KLF12: variants seen among roughly 807,000 people sequenced by gnomAD.
The protein encoded by KLF12 is KLF transcription factor 12.
In KLF12, 9 loss-of-function variants were observed where a neutral mutation model predicts 37.8. The observed-to-expected ratio is 0.24, with a 90% CI of 0.14 to 0.42. The LOEUF (loss-of-function observed/expected upper bound fraction) is 0.42, where lower values mean the gene tolerates loss of function less well. Ranked by LOEUF, KLF12 falls within the 10% of genes least tolerant of loss-of-function variation. The pLI is 1.00. For missense variants in KLF12, 411 were observed against 516.0 expected, an observed-to-expected ratio of 0.80 and a Z score of 1.97; for synonymous variants, 208 against 202.1, an observed-to-expected ratio of 1.03 and a Z score of -0.25.
rs1204344912 is a variant in KLF12 at position 73,999,581 on chromosome 13, A to C, written c.-31-4528T>G. Among the ~76,000 whole-genome samples the C allele has an allele frequency of 2.0e-5, 3 of 150,788 alleles. No individual in the cohort carries two copies. The East Asian group carries it at 5.9e-4, about 29-fold the overall frequency. ...ACCCCATCTCTACTAAAAATACAAA[A>C]AAAAAAAAATTAGCCAGGCGTGGTG... is the stretch of plus-strand genomic sequence containing the variant. On this transcript the variant is annotated intron_variant, in intron 1 of 7. Coordinates refer to ENST00000377669, the MANE Select transcript of KLF12 (RefSeq NM_007249.5).
intron 3 of KLF12, among the ~76,000 whole-genome samples, chr13:73,899,673 C>G (rs910947701): frequency 6.6e-6 from 1 of 152,138 alleles, no homozygotes; most frequent in Non-Finnish European, 1.5e-5. Flanking sequence ...AGGGCCCAGA[C>G]AGAACCAAAA....
At chr13:73,738,628 T>C (rs1453536315) in intron 6 of KLF12, among the ~76,000 whole-genome samples, 1 of 152,114 alleles carries the variant, frequency 6.6e-6, no homozygotes, top group Non-Finnish European at 1.5e-5. Context: ...TATGAGTGAC[T>C]ATGGAGAAAT....
chr13:73,962,457 A>T (rs917904545), intron 2 of KLF12, among the ~76,000 whole-genome samples: 7 of 152,224 alleles, frequency 4.6e-5, no homozygotes, highest in Admixed American at 1.3e-4. Flanking sequence ...ACAAAGAGTA[A>T]GCCCTATTGC....
intron 7 of KLF12, among the ~76,000 whole-genome samples, chr13:73,703,745 C>T (rs1414719296): frequency 6.6e-6 from 1 of 152,164 alleles, no homozygotes; most frequent in Non-Finnish European, 1.5e-5. Context: ...CCACTTCACC[C>T]AGTGTCGTCA....
chr13:73,735,957 C>CTTT (rs10699962), intron 6 of KLF12, among the ~76,000 whole-genome samples: 1 of 146,782 alleles, frequency 6.8e-6, no homozygotes, highest in African/African-American at 2.5e-5. Flanking sequence ...CTTTCTTTTT[C>CTTT]TTTTTTTTTT....
chr13:74,209,891 T>G, the KLF12 span, among the ~76,000 whole-genome samples: 1 of 152,178 alleles, frequency 6.6e-6, no homozygotes, highest in Non-Finnish European at 1.5e-5. Flanking sequence ...AGAAAAGAGA[T>G]AAGAATCAGG....
intron 6 of KLF12, among the ~76,000 whole-genome samples, chr13:73,753,487 C>A (rs113881193): frequency 0.011 from 1,686 of 152,260 alleles, 12 homozygotes; most frequent in South Asian, 0.038. Flanking sequence ...CAGATGCTAG[C>A]CAGTTGTCAC....
At chr13:73,939,100 A>G (rs141506462) in intron 3 of KLF12, among the ~76,000 whole-genome samples, 139 of 152,292 alleles carry the variant, frequency 9.1e-4, no homozygotes, top group African/African-American at 2.5e-3. Context: ...CTGGTTCTAC[A>G]GGAGAGAAGA....
At chr13:74,114,162 T>C (rs1027551639) in intron 1 of KLF12, among the ~76,000 whole-genome samples, 2 of 152,162 alleles carry the variant, frequency 1.3e-5, no homozygotes, top group Non-Finnish European at 2.9e-5. Context: ...GAAGATGCTG[T>C]GAACACTGAT....
At chr13:73,934,573 G>C (rs1318545030) in intron 3 of KLF12, among the ~76,000 whole-genome samples, 1 of 152,044 alleles carries the variant, frequency 6.6e-6, no homozygotes, top group African/African-American at 2.4e-5. Context: ...TTTCCTGACT[G>C]ATTTCAGATA....
the KLF12 span, among the ~76,000 whole-genome samples, chr13:74,270,771 G>A: frequency 6.6e-6 from 1 of 152,092 alleles, no homozygotes; most frequent in Admixed American, 6.5e-5. Context: ...GCTTGGGGCT[G>A]GTATCTGAAG....
At chr13:73,904,466 TTCC>T (rs1412379919) in intron 3 of KLF12, among the ~76,000 whole-genome samples, 10,433 of 114,194 alleles carry the variant, frequency 0.091, 575 homozygotes, top group African/African-American at 0.12. Flanking sequence ...TTTTCTTTCT[TTCC>T]TTTTTTTTTT....
chr13:74,281,447 G>A, the KLF12 span, among the ~76,000 whole-genome samples: 1 of 152,092 alleles, frequency 6.6e-6, no homozygotes, highest in Admixed American at 6.6e-5. Context: ...AATTAGATAT[G>A]GCATGGAGTT....
intron 6 of KLF12, among the ~76,000 whole-genome samples, chr13:73,749,132 G>A (rs1400072774): frequency 1.3e-5 from 2 of 152,088 alleles, no homozygotes; most frequent in African/African-American, 4.8e-5. Context: ...CCTAGGGGAG[G>A]CCCAGCTTCT....
At chr13:74,116,766 T>C (rs1877326938) in intron 1 of KLF12, among the ~76,000 whole-genome samples, 1 of 152,146 alleles carries the variant, frequency 6.6e-6, no homozygotes, top group Non-Finnish European at 1.5e-5. Flanking sequence ...CATTATTAAC[T>C]GAAGGGACCA....
intron 6 of KLF12, among the ~76,000 whole-genome samples, chr13:73,759,922 A>G (rs928889803): frequency 6.6e-5 from 10 of 152,222 alleles, no homozygotes; most frequent in Non-Finnish European, 1.3e-4. Context: ...GCAAGAAAGA[A>G]TGTTCTCATT....
chr13:73,846,389 T>G lies in KLF12; in HGVS notation c.124-16A>C. On this transcript the variant is annotated splice_polypyrimidine_tract_variant and intron_variant, in intron 3 of 7. Coordinates refer to ENST00000377669, the MANE Select transcript of KLF12 (RefSeq NM_007249.5). ...CGTTTGGAGACTGTGGGGAGAAAAA[T>G]GGAACATATATTTATCTTTGTTTAT... 1 of 1,595,162 alleles carries G rather than the reference T, an allele frequency of 6.3e-7. No individual in the cohort carries two copies. The highest frequency in any genetic ancestry group is 2.2e-5 in the East Asian group (1 of 44,708).
In KLF12 at chr13:74,019,822, C is replaced by T. The variant is rs567940418; in HGVS notation, c.-31-24769G>A. On this transcript the variant is annotated intron_variant, in intron 1 of 7. Transcript: ENST00000377669. ...GGAACCTCTGTAACAGTAACATAAA[C>T]TCAAGTCCATGGTCCCCGTGATCAC... is the stretch of plus-strand genomic sequence containing the variant. Among the ~76,000 whole-genome samples, 12 of 152,334 alleles carry T rather than the reference C, an allele frequency of 7.9e-5. No homozygotes were observed. In the South Asian group the frequency reaches 2.3e-3, roughly 29 times the overall value.
chr13:73,868,068 GC>G (rs1886271706), intron 3 of KLF12, among the ~76,000 whole-genome samples: 1 of 144,000 alleles, frequency 6.9e-6, no homozygotes, highest in Non-Finnish European at 1.5e-5. Flanking sequence ...AGTGGCTCAT[GC>G]CTGTAATCCC....
Sources: allele counts gnomAD v4.1 joint callset (sites outside exome capture counted in the v4.1 genomes callset), GRCh38; gene constraint gnomAD v4.1.1; transcripts MANE v1.5; gene names NCBI Gene and HGNC (gene_info 2026-07-23, HGNC 2026-07-21).